The following SGK1 variants were observed in gnomAD, a reference collection of about 807,000 sequenced individuals.
SGK1 encodes serine/threonine-protein kinase Sgk1.
Under a neutral mutation model 64.2 loss-of-function variants are expected in SGK1, and 26 were observed. The ratio of observed to expected loss-of-function variants is 0.40; its 90% CI spans 0.30 to 0.56. SGK1 has a LOEUF of 0.56. SGK1 is among the 20% of genes least tolerant of loss of function. SGK1 has a pLI of 0.38. For missense variants in SGK1, 519 were observed against 645.6 expected (o/e 0.80, Z 2.12); for synonymous variants, 265 against 239.7 (o/e 1.11, Z -0.98).
chr6:134,315,525 G>A (rs1323089999), intron 1 of SGK1, among the ~76,000 whole-genome samples: 1 of 152,088 alleles, frequency 6.6e-6, no homozygotes, highest in Non-Finnish European at 1.5e-5. Flanking sequence ...AAAACCAAAT[G>A]GCAAATTAGT....
chr6:134,197,344 A>C (rs1296202568), intron 3 of SGK1, among the ~76,000 whole-genome samples: 1 of 152,116 alleles, frequency 6.6e-6, no homozygotes, highest in Non-Finnish European at 1.5e-5. Flanking sequence ...ATGTGGTACT[A>C]CTTGTCTGTA....
At chr6:134,175,899 A>G in intron 3 of SGK1, 1 of 1,132,502 alleles carries the variant, frequency 8.8e-7, no homozygotes, top group Non-Finnish European at 1.1e-6. Context: ...AAGGAAAGAA[A>G]GAGGGAAAAG....
chr6:134,290,924 C>T (rs1777255030), intron 1 of SGK1, among the ~76,000 whole-genome samples: 1 of 152,116 alleles, frequency 6.6e-6, no homozygotes. Context: ...AGCACATATT[C>T]AGTCCTCAAA....
chr6:134,316,232 G>GC (rs1777682751), intron 1 of SGK1, among the ~76,000 whole-genome samples: 1 of 152,202 alleles, frequency 6.6e-6, no homozygotes, highest in African/African-American at 2.4e-5. Context: ...TGCCTTCCCA[G>GC]CTTGCCCATT....
chr6:134,255,638 A>G (rs1455980149), intron 2 of SGK1, among the ~76,000 whole-genome samples: 4 of 143,156 alleles, frequency 2.8e-5, no homozygotes, highest in African/African-American at 7.8e-5. Context: ...CTGGAGTACA[A>G]TGGCATGATC....
At chr6:134,303,114 C>T (rs1296971873) in intron 1 of SGK1, among the ~76,000 whole-genome samples, 1 of 152,024 alleles carries the variant, frequency 6.6e-6, no homozygotes, top group Non-Finnish European at 1.5e-5. Flanking sequence ...GGCTTAGAGG[C>T]CAGGCACAGT....
chr6:134,188,297 T>C (rs1033864362), intron 3 of SGK1, among the ~76,000 whole-genome samples: 1 of 152,144 alleles, frequency 6.6e-6, no homozygotes, highest in African/African-American at 2.4e-5. Context: ...TTTCCAATCA[T>C]GTTCCTTCCA....
intron 1 of SGK1, among the ~76,000 whole-genome samples, chr6:134,309,428 A>G (rs1388524112): frequency 3.9e-5 from 6 of 152,030 alleles, no homozygotes; most frequent in Admixed American, 1.3e-4. Flanking sequence ...GGTCTTTTAT[A>G]AATTTGCCAG....
intron 1 of SGK1, chr6:134,297,566 G>A (rs549381019): frequency 1.8e-5 from 9 of 503,552 alleles, no homozygotes; most frequent in Non-Finnish European, 3.1e-5. Context: ...GCAGTGGCAC[G>A]ATCTCGGCTC....
Position 134,234,075 on chromosome 6 carries a change from A to T in SGK1, c.286-26644T>A, listed in dbSNP as rs567733161. 9.8e-5 allele frequency among the ~76,000 whole-genome samples: 15 copies of T among 152,344 alleles called. 1 individual carries two copies. In the South Asian group the frequency reaches 2.7e-3, roughly 27 times the overall value. ...CAAGTCCAAATTTAAGCAAGAAAAA[A>T]TTGTTTTAATAATAGAACATTTTAA... On this transcript the variant is annotated intron_variant, in intron 2 of 13. Transcript: ENST00000367858.
intron 2 of SGK1, among the ~76,000 whole-genome samples, chr6:134,232,483 G>GAGAA (rs1776305182): frequency 8.4e-6 from 1 of 119,506 alleles, no homozygotes; most frequent in African/African-American, 3.5e-5. Flanking sequence ...AAGAAAGAAA[G>GAGAA]AGAAAGAAAA....
intron 2 of SGK1, chr6:134,260,339 G>C (rs547458045): frequency 6.7e-6 from 1 of 149,638 alleles, no homozygotes; most frequent in Admixed American, 6.7e-5. Context: ...TACAGAGCAA[G>C]ACTCTGTCCC....
At chr6:134,217,734 T>C (rs1776009467) in intron 2 of SGK1, among the ~76,000 whole-genome samples, 1 of 152,216 alleles carries the variant, frequency 6.6e-6, no homozygotes, top group Admixed American at 6.5e-5. Flanking sequence ...CTCTGCAAGC[T>C]AATGATTTAT....
chr6:134,176,310 C>T (rs906421848), intron 3 of SGK1, among the ~76,000 whole-genome samples: 57 of 152,238 alleles, frequency 3.7e-4, no homozygotes, highest in African/African-American at 1.3e-3. Context: ...CTCGCTCGCT[C>T]TTTATGTGAG....
chr6:134,278,138 T>C (rs1300229093), intron 1 of SGK1, among the ~76,000 whole-genome samples: 1 of 152,196 alleles, frequency 6.6e-6, no homozygotes, highest in Non-Finnish European at 1.5e-5. Context: ...CTTGGAACTC[T>C]CTGTTTCTAT....
At chr6:134,239,572 T>C (rs1776412449) in intron 2 of SGK1, among the ~76,000 whole-genome samples, 1 of 152,094 alleles carries the variant, frequency 6.6e-6, no homozygotes, top group South Asian at 2.1e-4. Context: ...AGTTCTAACA[T>C]CCCATCAGCT....
At chr6:134,170,644 G>A in intron 13 of SGK1, 182 bp downstream of exon 13, 2 of 676,848 alleles carry the variant, frequency 3.0e-6, no homozygotes, top group Non-Finnish European at 2.5e-6. Flanking sequence ...ATTGATAAAT[G>A]TGTCTAAAAA....
chr6:134,310,072 C>T (rs369774912), intron 1 of SGK1, among the ~76,000 whole-genome samples: 2 of 150,508 alleles, frequency 1.3e-5, no homozygotes, highest in Admixed American at 6.7e-5. Context: ...GGCTCCACCC[C>T]CCACGTTCCT....
At chr6:134,201,521 C>A (rs1418402523) in intron 3 of SGK1, among the ~76,000 whole-genome samples, 1 of 152,024 alleles carries the variant, frequency 6.6e-6, no homozygotes, top group Non-Finnish European at 1.5e-5. Context: ...ACCACCAGGC[C>A]TAGCTAATTT....
Sources: gnomAD v4.1 joint callset for allele counts (sites outside exome capture counted in the v4.1 genomes callset) on GRCh38, gnomAD v4.1.1 for gene constraint, MANE v1.5 for transcripts, NCBI Gene and HGNC (gene_info 2026-07-23, HGNC 2026-07-21) for gene names.